The following GRID2 variants were observed in gnomAD, a reference collection of about 807,000 sequenced individuals.
The protein encoded by GRID2 is glutamate receptor ionotropic, delta-2.
GRID2 carries 33 observed loss-of-function variants against 114.8 expected under a neutral mutation model. The ratio of observed to expected loss-of-function variants is 0.29; its 90% CI spans 0.22 to 0.38. The LOEUF is 0.38. Among genes scored for constraint, GRID2 ranks in the 10% least tolerant of loss-of-function variants. The pLI is 1.00. For synonymous variants in GRID2, 505 were observed against 449.9 expected, an observed-to-expected ratio of 1.12 and a Z score of -1.55; for missense variants, 1,184 against 1,257.7, an observed-to-expected ratio of 0.94 and a Z score of 0.89.
At chr4:92,425,068 A>G (rs1579337141) in intron 1 of GRID2, among the ~76,000 whole-genome samples, 1 of 152,112 alleles carries the variant, frequency 6.6e-6, no homozygotes, top group Non-Finnish European at 1.5e-5. Context: ...AGGTTATTAT[A>G]ATAATTATAA....
At chr4:93,681,081 G>C (rs1390371932) in intron 14 of GRID2, among the ~76,000 whole-genome samples, 4 of 151,580 alleles carry the variant, frequency 2.6e-5, no homozygotes, top group Non-Finnish European at 5.9e-5. Context: ...CTTCAGCAAA[G>C]TCTCAGGATA....
At chr4:92,858,292 G>A (rs1194868791) in intron 2 of GRID2, among the ~76,000 whole-genome samples, 4 of 152,144 alleles carry the variant, frequency 2.6e-5, no homozygotes, top group Non-Finnish European at 5.9e-5. Flanking sequence ...GATGGACTGG[G>A]ACAAAATCGT....
intron 4 of GRID2, among the ~76,000 whole-genome samples, chr4:93,202,946 A>G (rs1251688093): frequency 2.0e-5 from 3 of 152,094 alleles, no homozygotes; most frequent in African/African-American, 7.2e-5. Context: ...GAATATATAT[A>G]TATCATACTA....
chr4:93,377,792 CT>C (rs1763505191), intron 8 of GRID2, among the ~76,000 whole-genome samples: 2 of 151,846 alleles, frequency 1.3e-5, no homozygotes, highest in Admixed American at 1.3e-4. Flanking sequence ...CAAAATGAGT[CT>C]CAAAATTGAC....
At chr4:93,315,673 G>T (rs1218888712) in intron 8 of GRID2, among the ~76,000 whole-genome samples, 1 of 152,014 alleles carries the variant, frequency 6.6e-6, no homozygotes, top group African/African-American at 2.4e-5. Context: ...ACACATTGTA[G>T]GCACTTAATA....
chr4:93,702,787 G>A (rs961099935), intron 14 of GRID2, among the ~76,000 whole-genome samples: 11 of 152,232 alleles, frequency 7.2e-5, no homozygotes, highest in African/African-American at 2.6e-4. Flanking sequence ...GGGATGTATA[G>A]CAGTAAACCA....
rs201360489 is a variant in GRID2, at chr4:92,816,474, A to G, written c.244+226188A>G. On this transcript the variant is annotated intron_variant, in intron 2 of 15. Coordinates refer to ENST00000282020, the MANE Select transcript of GRID2 (RefSeq NM_001510.4). ...TGCATGTTTCCTTGTTTTCAGGTTTATGTATACTGATTGTCTGTTATATAG... is the reference window on the plus strand; with the variant it reads ...TGCATGTTTCCTTGTTTTCAGGTTTGTGTATACTGATTGTCTGTTATATAG... Among the ~76,000 whole-genome samples, 10 of 152,064 alleles carry G rather than the reference A, an allele frequency of 6.6e-5. No individual in the cohort carries two copies. The East Asian group carries it at 1.9e-3, about 29-fold the overall frequency.
At chr4:93,698,965 T>C (rs1332088171) in intron 14 of GRID2, among the ~76,000 whole-genome samples, 2 of 152,196 alleles carry the variant, frequency 1.3e-5, no homozygotes, top group South Asian at 2.1e-4. Flanking sequence ...TTGGTGACCA[T>C]GACAGTTTCT....
At chr4:92,929,716 T>A (rs1162125644) in intron 2 of GRID2, among the ~76,000 whole-genome samples, 1 of 151,396 alleles carries the variant, frequency 6.6e-6, no homozygotes, top group Non-Finnish European at 1.5e-5. Flanking sequence ...TTACTGAAGA[T>A]CTGAACTTGG....
chr4:92,446,365 C>T lies in GRID2; in HGVS notation c.88+141621C>T, dbSNP rs76008658. 9.1e-3 allele frequency among the ~76,000 whole-genome samples: 1,386 copies of T among 152,312 alleles called. 21 individuals are homozygous for T. The highest frequency in any genetic ancestry group is 0.032 in the African/African-American group (1,325 of 41,560). ...AGGTCTGACTCTGAGATAAATGTCT[C>T]TTCTTTCTCTTTGATATATAGTTGC... On this transcript the variant is annotated intron_variant, in intron 1 of 15. Coordinates refer to ENST00000282020, the MANE Select transcript of GRID2 (RefSeq NM_001510.4).
At chr4:92,641,444 T>C (rs955791168) in intron 2 of GRID2, among the ~76,000 whole-genome samples, 22 of 60,416 alleles carry the variant, frequency 3.6e-4, no homozygotes, top group Non-Finnish European at 6.2e-4. Context: ...CTGGCCAATA[T>C]TTTTTTTTCT....
chr4:93,390,253 T>G (rs963847464), intron 8 of GRID2, among the ~76,000 whole-genome samples: 3 of 152,188 alleles, frequency 2.0e-5, no homozygotes, highest in Admixed American at 1.3e-4. Flanking sequence ...TCCATTCTAA[T>G]AGTCAACAAA....
At chr4:93,591,625 G>C (rs987231936) in intron 13 of GRID2, among the ~76,000 whole-genome samples, 1 of 151,854 alleles carries the variant, frequency 6.6e-6, no homozygotes, top group East Asian at 1.9e-4. Context: ...AGTTTCAGAA[G>C]GAATGGTACC....
chr4:92,970,202 C>A (rs1753413513), intron 2 of GRID2, among the ~76,000 whole-genome samples: 1 of 151,772 alleles, frequency 6.6e-6, no homozygotes, highest in African/African-American at 2.4e-5. Context: ...GCTCAGATTC[C>A]ACTAATCCAC....
At chr4:93,574,707 G>A (rs1328256868) in intron 13 of GRID2, among the ~76,000 whole-genome samples, 1 of 152,112 alleles carries the variant, frequency 6.6e-6, no homozygotes, top group Admixed American at 6.6e-5. Context: ...GTGGGAATTC[G>A]AGATAAGATT....
At chr4:92,662,850 A>T (rs1212099819) in intron 2 of GRID2, among the ~76,000 whole-genome samples, 3 of 151,150 alleles carry the variant, frequency 2.0e-5, no homozygotes, top group African/African-American at 7.3e-5. Flanking sequence ...TTATAAAAGA[A>T]TGTATACTAT....
intron 2 of GRID2, among the ~76,000 whole-genome samples, chr4:92,816,318 C>CAAAAAAAAAAAAAAAAAAAAA (rs764487348): frequency 4.1e-5 from 2 of 48,254 alleles, no homozygotes; most frequent in African/African-American, 8.0e-5. Flanking sequence ...TCTGTCTCAC[C>CAAAAAAAAAAAAAAAAAAAAA]AAAAAAAAAA....
chr4:92,568,310 T>C (rs1727435479), intron 1 of GRID2, among the ~76,000 whole-genome samples: 1 of 152,026 alleles, frequency 6.6e-6, no homozygotes. Context: ...GAAGACTCAA[T>C]AAGCCCTGGG....
At chr4:93,452,352 A>G (rs1012286652) in intron 10 of GRID2, among the ~76,000 whole-genome samples, 2 of 140,438 alleles carry the variant, frequency 1.4e-5, no homozygotes, top group Admixed American at 6.8e-5. Flanking sequence ...CAATATGGGG[A>G]AAAAGAGTTT....
Sources: allele counts gnomAD v4.1 joint callset (sites outside exome capture counted in the v4.1 genomes callset), GRCh38; gene constraint gnomAD v4.1.1; transcripts MANE v1.5; gene names NCBI Gene and HGNC (gene_info 2026-07-23, HGNC 2026-07-21).